CTSB: variants seen among roughly 807,000 people sequenced by gnomAD.
The protein encoded by CTSB is APP secretase.
A neutral mutation model predicts 44.3 loss-of-function variants in CTSB; 57 were observed. That is an observed-to-expected ratio of 1.29 (90% CI 1.04 to 1.60). The LOEUF is 1.60. Ranked by LOEUF, CTSB falls within the 40% of genes most tolerant of loss-of-function variation. The probability of loss-of-function intolerance (pLI) is 0.00; values close to 1 mark genes in which losing one functional copy is unlikely to be tolerated. For missense variants in CTSB, 768 were observed against 443.0 expected (o/e 1.73, Z -6.59); for synonymous variants, 320 against 168.0 (o/e 1.91, Z -7.00).
chr8:11,852,076 G>A lies in CTSB; in HGVS notation c.212+534C>T, dbSNP rs1056136305. Among the ~76,000 whole-genome samples the A allele has an allele frequency of 4.4e-4, 67 of 152,218 alleles. 1 individual carries two copies. Among genetic ancestry groups the A allele is most frequent in the African/African-American group, 1.4e-3 (58 of 41,560 alleles). On this transcript the variant is annotated intron_variant, in intron 3 of 9. Coordinates refer to ENST00000353047, the MANE Select transcript of CTSB (RefSeq NM_001908.5). ...TCTGCGGCTGAGACACCTTGGAGAA[G>A]CACAATAGAAAACACTGGGGGTGGC...
intron 1 of CTSB, among the ~76,000 whole-genome samples, chr8:11,862,739 G>C (rs1006751191): frequency 3.3e-5 from 5 of 152,264 alleles, no homozygotes; most frequent in African/African-American, 1.2e-4. Context: ...GACTGTGTGT[G>C]TGCACATTCT....
chr8:11,850,950 A>G lies in CTSB; in HGVS notation c.243T>C (p.Pro81=). ...RVMFTEDLKL[P]ASFDAREQWP... is the part of the protein sequence containing the mutation. Reference sequence around the variant, plus strand: ...ATTGTTCCCGTGCATCGAAGCTTGCAGGCAGCTTCAGGTCCTCGGTAAACA... The same window carrying G: ...ATTGTTCCCGTGCATCGAAGCTTGCGGGCAGCTTCAGGTCCTCGGTAAACA... The change falls in exon 4 of 10, where the codon CCT becomes CCC. Residue 81 remains proline, a synonymous_variant. Coordinates refer to ENST00000353047, the MANE Select transcript of CTSB (RefSeq NM_001908.5). 1 of 1,613,222 alleles carries G rather than the reference A, an allele frequency of 6.2e-7. No homozygotes were observed. Among genetic ancestry groups the G allele is most frequent in the Non-Finnish European group, 8.5e-7 (1 of 1,179,422 alleles).
intron 1 of CTSB, among the ~76,000 whole-genome samples, chr8:11,858,315 G>C (rs1815854068): frequency 6.6e-6 from 1 of 152,140 alleles, no homozygotes; most frequent in African/African-American, 2.4e-5. Flanking sequence ...TTTGTTTTAA[G>C]ACAGGATCTC....
chr8:11,856,531 T>C (rs929184175), intron 1 of CTSB, among the ~76,000 whole-genome samples: 8 of 152,156 alleles, frequency 5.3e-5, no homozygotes, highest in Non-Finnish European at 5.9e-5. Flanking sequence ...TAGAATCACT[T>C]GAACCCAGGA....
chr8:11,866,224 C>G (rs1442737141), intron 1 of CTSB, among the ~76,000 whole-genome samples: 3 of 152,122 alleles, frequency 2.0e-5, no homozygotes, highest in African/African-American at 7.2e-5. Flanking sequence ...AAGAACCTGC[C>G]TACAAAAAGA....
intron 8 of CTSB, chr8:11,846,038 T>A: frequency 2.9e-6 from 1 of 340,258 alleles, no homozygotes; most frequent in Non-Finnish European, 5.3e-6. Context: ...CTTGTTGGCT[T>A]TAAAAATAGA....
intron 1 of CTSB, chr8:11,853,785 G>C (rs1256446932): frequency 7.8e-6 from 2 of 256,728 alleles, no homozygotes; most frequent in South Asian, 7.4e-5. Context: ...TGGATTTGTA[G>C]AACAGCTTGA....
chr8:11,856,799 G>A (rs1268028425), intron 1 of CTSB, among the ~76,000 whole-genome samples: 2 of 151,794 alleles, frequency 1.3e-5, no homozygotes, highest in Admixed American at 1.3e-4. Context: ...GAAGATGCAC[G>A]GCAGTCGGTC....
Position 11,843,067 on chromosome 8 carries a change from G to A in CTSB, c.*2058C>T, listed in dbSNP as rs1271977685. ...GGGTTCAAGCGATTCTCCTGCCTCA[G>A]CCTCCCAAGTAGCTGGGATTACAGG... On this transcript the variant is annotated 3_prime_UTR_variant, in exon 10 of 10. Transcript: ENST00000353047. 3.3e-5 allele frequency: 5 copies of A among 151,250 alleles called. No individual in the cohort carries two copies. The East Asian group carries it at 5.9e-4, about 18-fold the overall frequency. The allele number at this position is 151,250 out of a possible 1,614,324, so 9.4% of individuals were successfully genotyped here. A position where few individuals can be genotyped will look rare whatever the true frequency, so the allele number is the denominator to read the frequency against.
Position 11,845,735 on chromosome 8 carries a change from A to G in CTSB, c.848T>C (p.Leu283Pro), listed in dbSNP as rs1326504203. The G allele has an allele frequency of 6.2e-7, 1 of 1,614,048 alleles. No individual in the cohort carries two copies. Among genetic ancestry groups the G allele is most frequent in the South Asian group, 1.1e-5 (1 of 91,066 alleles). ...TGTGCCATTCTCCACTCCCCAGCCC[A>G]GGATGCGGATGGCATGGCCACCCAT... ...EMMGGHAIRI[L>P]GWGVENGTPY... Residue 283 changes from leucine (L) to proline (P), a missense_variant, in exon 9 of 10, where the codon CTG becomes CCG. Physicochemically the swap from Leu to Pro is moderately conservative, Grantham distance 98. Coordinates refer to ENST00000353047, the MANE Select transcript of CTSB (RefSeq NM_001908.5).
At chr8:11,851,887 G>A (rs753272462) in intron 3 of CTSB, among the ~76,000 whole-genome samples, 3 of 151,304 alleles carry the variant, frequency 2.0e-5, no homozygotes, top group Middle Eastern at 3.4e-3. Context: ...GACTGGTCTC[G>A]AACTCCTGAC....
At chr8:11,851,052 T>G in intron 3 of CTSB, 72 bp from the exon 4 acceptor site, 1 of 1,078,866 alleles carries the variant, frequency 9.3e-7, no homozygotes, top group Non-Finnish European at 1.4e-6. Flanking sequence ...AAAGGCCACT[T>G]TGGCTGGGCC....
chr8:11,851,742 C>T (rs1455453100), intron 3 of CTSB, among the ~76,000 whole-genome samples: 1 of 152,050 alleles, frequency 6.6e-6, no homozygotes, highest in Non-Finnish European at 1.5e-5. Flanking sequence ...TCTCAGCTCA[C>T]CGCAACCTCT....
intron 1 of CTSB, among the ~76,000 whole-genome samples, chr8:11,860,647 CAAAAACA>C (rs1221870749): frequency 6.6e-6 from 1 of 152,028 alleles, no homozygotes; most frequent in East Asian, 1.9e-4. Flanking sequence ...CAAAACAAAA[CAAAAACA>C]AAAGTCAAGT....
intron 8 of CTSB, 50 bp from the exon 9 acceptor site, chr8:11,845,839 C>T (rs746635557): frequency 2.6e-6 from 4 of 1,540,870 alleles, no homozygotes; most frequent in Non-Finnish European, 3.5e-6. Context: ...CTGTCCCACG[C>T]CCCACAGCAC....
intron 1 of CTSB, among the ~76,000 whole-genome samples, chr8:11,861,088 T>G (rs932749012): frequency 6.6e-6 from 1 of 152,210 alleles, no homozygotes; most frequent in Non-Finnish European, 1.5e-5. Flanking sequence ...GAACTGTGTT[T>G]AGTAGATTCT....
At position 11,842,862 on chromosome 8, in the gene CTSB, C is replaced by A. The variant is rs1194246075; in HGVS notation, c.*2263G>T. 1.3e-5 allele frequency: 2 copies of A among 151,000 alleles called. No individual in the cohort carries two copies. Among genetic ancestry groups the A allele is most frequent in the Non-Finnish European group, 2.9e-5 (2 of 67,946 alleles). 9.4% of individuals were successfully genotyped at this position (151,000 alleles called of 1,614,324 possible). A position where few individuals can be genotyped will look rare whatever the true frequency, so the allele number is the denominator to read the frequency against. ...TGTTGCCAAGGCTGATCTCAAAACT[C>A]CTGACCTCAGGTGATCTGCCCGCCT... On this transcript the variant is annotated 3_prime_UTR_variant, in exon 10 of 10. Transcript: ENST00000353047.
At chr8:11,857,995 G>C (rs1306811572) in intron 1 of CTSB, 1 of 152,260 alleles carries the variant, frequency 6.6e-6, no homozygotes, top group African/African-American at 2.4e-5. Context: ...ACCTGCATTT[G>C]GATCTGGCTC....
Position 11,845,090 on chromosome 8 carries a change from C to T in CTSB, c.*35G>A, listed in dbSNP as rs369198012. On this transcript the variant is annotated 3_prime_UTR_variant, in exon 10 of 10. Transcript: ENST00000353047. Reference sequence around the variant, plus strand: ...ATAAAATGCATTTCTACCCCGATCTCGCCCCCAGGACTGGCACGACAGGCC... The same window carrying T: ...ATAAAATGCATTTCTACCCCGATCTTGCCCCCAGGACTGGCACGACAGGCC... 56 of 1,387,834 alleles carry T rather than the reference C, an allele frequency of 4.0e-5. No homozygotes were observed. Among genetic ancestry groups the T allele is most frequent in the Middle Eastern group, 1.8e-4 (1 of 5,616 alleles). 86.0% of individuals were successfully genotyped at this position (1,387,834 alleles called of 1,614,324 possible).
Sources: allele counts gnomAD v4.1 joint callset (sites outside exome capture counted in the v4.1 genomes callset), GRCh38; gene constraint gnomAD v4.1.1; transcripts MANE v1.5; gene names NCBI Gene and HGNC (gene_info 2026-07-23, HGNC 2026-07-21).